CSF1R: variants seen among roughly 807,000 people sequenced by gnomAD.
CSF1R encodes macrophage colony-stimulating factor 1 receptor.
CSF1R carries 40 observed loss-of-function variants against 110.0 expected under a neutral mutation model. The ratio of observed to expected loss-of-function variants is 0.36; its 90% CI spans 0.28 to 0.47. CSF1R has a LOEUF of 0.47. Among genes scored for constraint, CSF1R ranks in the 20% least tolerant of loss-of-function variants. The probability of loss-of-function intolerance (pLI) is 0.99; values close to 1 mark genes in which losing one functional copy is unlikely to be tolerated. For missense variants in CSF1R, 1,052 were observed against 1,253.0 expected (o/e 0.84, Z 2.42); for synonymous variants, 523 against 503.4 (o/e 1.04, Z -0.52).
At chr5:150,057,696 T>C in intron 14 of CSF1R, 104 bp from the exon 15 acceptor site, 1 of 787,994 alleles carries the variant, frequency 1.3e-6, no homozygotes, top group Non-Finnish European at 2.2e-6. Context: ...GGAACCTCCC[T>C]TTCTGATAAG....
Position 150,080,041 on chromosome 5 carries a change from G to T in CSF1R, c.592+11C>A, listed in dbSNP as rs1198780363. On this transcript the variant is annotated intron_variant, in intron 3 of 20. Coordinates refer to ENST00000675795, the MANE Select transcript of CSF1R (RefSeq NM_001288705.3). ...TTCAGGCCTGGCTGCCGGTCCCCAT[G>T]CCCCACGCACCTTTCTGCACTTTCA... The T allele has an allele frequency of 1.2e-6, 2 of 1,608,970 alleles. No homozygotes were observed. The highest frequency in any genetic ancestry group is 1.7e-5 in the Admixed American group (1 of 59,954).
In CSF1R at chr5:150,062,739, C is replaced by G. The variant is rs151248762; in HGVS notation, c.1627-890G>C. ...TTTGCATTCTAGTGGCTGAGAGAGG[C>G]ATTAAACGCAAATAAACATGTATCT... On this transcript the variant is annotated intron_variant, in intron 10 of 20. Coordinates refer to ENST00000675795, the MANE Select transcript of CSF1R (RefSeq NM_001288705.3). Among the ~76,000 whole-genome samples, 65 of 152,220 alleles carry G rather than the reference C, an allele frequency of 4.3e-4. No homozygotes were observed. In the East Asian group the frequency reaches 0.012, roughly 28 times the overall value.
intron 5 of CSF1R, among the ~76,000 whole-genome samples, chr5:150,073,731 T>G (rs1758131906): frequency 6.6e-6 from 1 of 152,156 alleles, no homozygotes; most frequent in Non-Finnish European, 1.5e-5. Context: ...CTATCCCCAT[T>G]TGTGCCTCCA....
At chr5:150,085,781 C>A (rs971635251) in intron 1 of CSF1R, among the ~76,000 whole-genome samples, 2 of 152,136 alleles carry the variant, frequency 1.3e-5, no homozygotes, top group East Asian at 3.9e-4. Context: ...AACCACCACC[C>A]CTATCAGGCC....
At chr5:150,057,693 C>T in intron 14 of CSF1R, 101 bp from the exon 15 acceptor site, 1 of 804,248 alleles carries the variant, frequency 1.2e-6, no homozygotes, top group South Asian at 1.5e-5. Context: ...ACTGGAACCT[C>T]CCTTTCTGAT....
intron 10 of CSF1R, among the ~76,000 whole-genome samples, chr5:150,065,190 C>T (rs780296401): frequency 2.6e-5 from 4 of 152,298 alleles, no homozygotes; most frequent in Admixed American, 6.5e-5. Context: ...GACAAAGTCC[C>T]GGTCCCCTCC....
At chr5:150,105,384 A>ATT (rs35556562) in intron 1 of CSF1R, among the ~76,000 whole-genome samples, 1,013 of 84,162 alleles carry the variant, frequency 0.012, 25 homozygotes, top group African/African-American at 0.045. Context: ...ATATATATAT[A>ATT]TTTTTTTTTT....
chr5:150,060,724 G>T (rs1306337175), intron 13 of CSF1R, 138 bp downstream of exon 13: 2 of 601,356 alleles, frequency 3.3e-6, no homozygotes, highest in Non-Finnish European at 5.9e-6. Flanking sequence ...GGAGTTTAAG[G>T]GATGCTGTGA....
At chr5:150,110,439 G>A (rs984721587) in intron 1 of CSF1R, among the ~76,000 whole-genome samples, 1 of 152,172 alleles carries the variant, frequency 6.6e-6, no homozygotes, top group Non-Finnish European at 1.5e-5. Context: ...GTGGCACTGG[G>A]GAACAAGCAT....
rs1467770819 is a variant in CSF1R, at chr5:150,054,110, C to T, written c.2878G>A (p.Ala960Thr). 10 of 1,613,948 alleles carry T rather than the reference C, an allele frequency of 6.2e-6. No individual in the cohort carries two copies. The highest frequency in any genetic ancestry group is 2.2e-5 in the East Asian group (1 of 44,890). Residue 960 changes from alanine (A) to threonine (T), a missense_variant, in exon 21 of 21, where the codon GCC becomes ACC. Transcript: ENST00000675795. ...TTGTTGGGCTGCAGCAAGGGCTGGGCGATATCCCCTTGCTCGCAGCAGGTC... is the reference window on the plus strand; with the variant it reads ...TTGTTGGGCTGCAGCAAGGGCTGGGTGATATCCCCTTGCTCGCAGCAGGTC... ...HLTCCEQGDI[A>T]QPLLQPNNYQ...
intron 1 of CSF1R, 83 bp downstream of exon 1, chr5:150,086,296 T>C: frequency 5.0e-6 from 7 of 1,395,732 alleles, no homozygotes; most frequent in Non-Finnish European, 6.9e-6. Context: ...GGACACCCAG[T>C]GAGGGGCAAG....
rs753500118 is a variant in CSF1R at position 150,080,100 on chromosome 5, C to A, written c.544G>T (p.Gly182Cys). The A allele has an allele frequency of 1.4e-5, 22 of 1,614,160 alleles. No homozygotes were observed. The East Asian group carries it at 2.9e-4, about 21-fold the overall frequency. ...SQDYQCSALM[G>C]GRKVMSISIR... ...CTGATGGACATCACCTTCCTGCCACCCATCAGGGCACTGCATTGATAGTCC... is the reference window on the plus strand; with the variant it reads ...CTGATGGACATCACCTTCCTGCCACACATCAGGGCACTGCATTGATAGTCC... Residue 182 changes from glycine to cysteine, a missense_variant, in exon 3 of 21, where the codon GGT becomes TGT. Gly to Cys is a radical substitution (Grantham distance 159). Coordinates refer to ENST00000675795, the MANE Select transcript of CSF1R (RefSeq NM_001288705.3).
Position 150,080,182 on chromosome 5 carries a change from G to A in CSF1R, c.462C>T (p.Tyr154=), listed in dbSNP as rs760292683. ...RGRPLMRHTN[Y]SFSPWHGFTI... ...TGAAGCCATGCCAGGGCGAGAAGGA[G>A]TAGTTGGTGTGGCGCATGAGGGGCC... The change falls in exon 3 of 21, where the codon TAC becomes TAT. Residue 154 remains tyrosine, a synonymous_variant. Transcript: ENST00000675795. The A allele has an allele frequency of 6.8e-6, 11 of 1,613,736 alleles. No homozygotes were observed. Among genetic ancestry groups the A allele is most frequent in the South Asian group, 1.1e-5 (1 of 91,092 alleles).
At chr5:150,094,314 G>A in intron 1 of CSF1R, 1 of 1,593,592 alleles carries the variant, frequency 6.3e-7, no homozygotes, top group Admixed American at 1.7e-5. Context: ...GGAGGGTGTA[G>A]AAGAGAAGAA....
chr5:150,066,446 G>C lies in CSF1R; in HGVS notation c.1626+1769C>G, dbSNP rs377248620. The stretch of plus-strand genomic sequence containing the variant: ...GGTGCTTAAACTAGACCACCAGTGG[G>C]CTCTTGGCATGTCAGAGGAGGAGGG... On this transcript the variant is annotated intron_variant, in intron 10 of 20. Transcript: ENST00000675795. Among the ~76,000 whole-genome samples the C allele has an allele frequency of 9.1e-4, 138 of 152,296 alleles. 1 individual carries two copies. The highest frequency in any genetic ancestry group is 3.1e-3 in the African/African-American group (127 of 41,558).
intron 1 of CSF1R, among the ~76,000 whole-genome samples, chr5:150,099,905 A>G (rs981834014): frequency 4.6e-5 from 7 of 152,208 alleles, no homozygotes; most frequent in Admixed American, 2.0e-4. Flanking sequence ...TGGGAAAAAA[A>G]TGTAAAGGGC....
At chr5:150,087,759 G>C (rs1004918496), upstream of CSF1R, among the ~76,000 whole-genome samples, 1 of 151,172 alleles carries the variant, frequency 6.6e-6, no homozygotes, top group African/African-American at 2.4e-5. Context: ...TCTGAGACAG[G>C]GTTTGGTTCT....
intron 19 of CSF1R, among the ~76,000 whole-genome samples, chr5:150,054,993 CAA>C (rs11342950): frequency 4.9e-4 from 37 of 74,758 alleles, no homozygotes; most frequent in African/African-American, 6.5e-4. Context: ...GATGCTGTCT[CAA>C]AAAAAAAAAA....
intron 1 of CSF1R, among the ~76,000 whole-genome samples, chr5:150,108,545 C>G (rs531891694): frequency 2.0e-5 from 3 of 152,184 alleles, no homozygotes; most frequent in African/African-American, 7.2e-5. Flanking sequence ...AACACCAAGA[C>G]CATCACTATG....
Sources: gnomAD v4.1 joint callset for allele counts (sites outside exome capture counted in the v4.1 genomes callset) on GRCh38, gnomAD v4.1.1 for gene constraint, MANE v1.5 for transcripts, NCBI Gene and HGNC (gene_info 2026-07-23, HGNC 2026-07-21) for gene names.